Variants in BICC1 observed in about 807,000 individuals in gnomAD.
BICC1 encodes the protein BicC family RNA binding protein 1, also known as protein bicaudal C homolog 1.
BICC1 carries 43 observed loss-of-function variants against 111.0 expected under a neutral mutation model. The observed-to-expected ratio is 0.39, with a 90% CI of 0.30 to 0.50. BICC1 has a LOEUF of 0.50. Ranked by LOEUF, BICC1 falls within the 20% of genes least tolerant of loss-of-function variation. The probability of loss-of-function intolerance (pLI) is 0.88; values close to 1 mark genes in which losing one functional copy is unlikely to be tolerated. For missense variants in BICC1, 1,091 were observed against 1,203.2 expected (o/e 0.91, Z 1.38); for synonymous variants, 467 against 434.4 (o/e 1.07, Z -0.93).
At chr10:58,822,468 A>G (rs1472028276) in intron 20 of BICC1, among the ~76,000 whole-genome samples, 1 of 152,074 alleles carries the variant, frequency 6.6e-6, no homozygotes, top group South Asian at 2.1e-4. Flanking sequence ...TAAAAAAATA[A>G]TATTTTTTCT....
intron 1 of BICC1, among the ~76,000 whole-genome samples, chr10:58,583,398 A>G (rs1439189882): frequency 6.8e-6 from 1 of 147,822 alleles, no homozygotes; most frequent in Non-Finnish European, 1.5e-5. Flanking sequence ...CCCAAAGTCC[A>G]TTATAACATT....
chr10:58,658,008 C>G (rs1588982541), intron 2 of BICC1, among the ~76,000 whole-genome samples: 1 of 29,220 alleles, frequency 3.4e-5, no homozygotes, highest in East Asian at 1.2e-3. Context: ...TTGTGTCAAT[C>G]TGTCCTTCCA....
intron 15 of BICC1, 55 bp downstream of exon 15, chr10:58,803,297 A>G (rs959201747): frequency 8.8e-6 from 13 of 1,483,836 alleles, no homozygotes; most frequent in East Asian, 4.7e-5. Context: ...GGGTTCTGGT[A>G]TGGAGAATTC....
chr10:58,513,777 C>T (rs911453643), intron 1 of BICC1, among the ~76,000 whole-genome samples: 1 of 152,220 alleles, frequency 6.6e-6, no homozygotes, highest in Non-Finnish European at 1.5e-5. Flanking sequence ...GTATCCACTT[C>T]CTCCAGCTGA....
In BICC1 at chr10:58,527,013, A is replaced by G. The variant is rs544911338; in HGVS notation, c.190+13680A>G. ...TTGAGGAATCACCACACTGTCTTCC[A>G]CAATGGTTGAACTAGTTTACAGTAC... On this transcript the variant is annotated intron_variant, in intron 1 of 20. Transcript: ENST00000373886. 7.7e-4 allele frequency among the ~76,000 whole-genome samples: 118 copies of G among 152,336 alleles called. 2 individuals carry two copies. The South Asian group carries it at 0.016, about 21-fold the overall frequency.
At chr10:58,564,195 A>T (rs1843689675) in intron 1 of BICC1, among the ~76,000 whole-genome samples, 1 of 152,170 alleles carries the variant, frequency 6.6e-6, no homozygotes, top group Admixed American at 6.6e-5. Context: ...CTGTTTAAAA[A>T]ATTAAATGGT....
At chr10:58,590,486 T>C (rs757140472) in intron 1 of BICC1, among the ~76,000 whole-genome samples, 3 of 152,202 alleles carry the variant, frequency 2.0e-5, no homozygotes, top group Non-Finnish European at 4.4e-5. Flanking sequence ...AATAAGAGAA[T>C]TTTGGTGCTT....
intron 1 of BICC1, among the ~76,000 whole-genome samples, chr10:58,576,866 TG>T (rs774599650): frequency 4.6e-5 from 7 of 152,122 alleles, no homozygotes; most frequent in Non-Finnish European, 8.8e-5. Context: ...CCAGATGTCT[TG>T]AGTTAAGGGA....
intron 2 of BICC1, among the ~76,000 whole-genome samples, chr10:58,655,164 G>A (rs1403365440): frequency 9.1e-5 from 13 of 142,376 alleles, no homozygotes; most frequent in Non-Finnish European, 1.4e-4. Flanking sequence ...TTGGCGATGC[G>A]GGCTCTTTTT....
chr10:58,684,713 G>T (rs1022772889), intron 2 of BICC1, among the ~76,000 whole-genome samples: 1 of 152,086 alleles, frequency 6.6e-6, no homozygotes, highest in African/African-American at 2.4e-5. Context: ...TGTGGGATCG[G>T]TGGTGATATC....
rs373583791 is a variant in BICC1 at position 58,593,033 on chromosome 10, C to T, written c.191-27822C>T. Among the ~76,000 whole-genome samples, 227 of 152,116 alleles carry T rather than the reference C, an allele frequency of 1.5e-3. 1 individual carries two copies. Among genetic ancestry groups the T allele is most frequent in the African/African-American group, 4.7e-3 (197 of 41,514 alleles). ...GCAGTCTGAGATTGACTGGGACGTT[C>T]GAGCTTGGTGTGGGGAGGGGTGTCC... is the stretch of plus-strand genomic sequence containing the variant. On this transcript the variant is annotated intron_variant, in intron 1 of 20. Coordinates refer to ENST00000373886, the MANE Select transcript of BICC1 (RefSeq NM_001080512.3).
At chr10:58,587,156 G>C (rs934285752) in intron 1 of BICC1, among the ~76,000 whole-genome samples, 11 of 152,164 alleles carry the variant, frequency 7.2e-5, no homozygotes, top group African/African-American at 2.7e-4. Flanking sequence ...AATTTTAGAA[G>C]CTTCTTGGTC....
intron 3 of BICC1, among the ~76,000 whole-genome samples, chr10:58,721,928 G>A (rs1430206637): frequency 6.6e-6 from 1 of 152,188 alleles, no homozygotes; most frequent in Admixed American, 6.5e-5. Context: ...TCTCCTGAAA[G>A]TCATGGTTAA....
chr10:58,583,566 G>A (rs149732966), intron 1 of BICC1, among the ~76,000 whole-genome samples: 1 of 149,582 alleles, frequency 6.7e-6, no homozygotes, highest in East Asian at 2.0e-4. Flanking sequence ...TTTTATGGCT[G>A]AGTAGTATTC....
At chr10:58,575,218 T>C (rs1277747393) in intron 1 of BICC1, among the ~76,000 whole-genome samples, 1 of 152,028 alleles carries the variant, frequency 6.6e-6, no homozygotes, top group Middle Eastern at 3.4e-3. Flanking sequence ...GTGTATGATG[T>C]CCCCCTCTCT....
At chr10:58,562,605 A>T (rs571135709) in intron 1 of BICC1, among the ~76,000 whole-genome samples, 2 of 151,996 alleles carry the variant, frequency 1.3e-5, no homozygotes, top group Admixed American at 1.3e-4. Flanking sequence ...CTTTTCAGGC[A>T]CTTTATAAAT....
At chr10:58,631,368 C>T (rs1837788303) in intron 2 of BICC1, among the ~76,000 whole-genome samples, 1 of 152,200 alleles carries the variant, frequency 6.6e-6, no homozygotes, top group East Asian at 1.9e-4. Flanking sequence ...TTGTCCCAAA[C>T]TGGCTCTTTG....
Position 58,803,172 on chromosome 10 carries a change from G to A in BICC1, c.2111G>A (p.Arg704Lys). ...CCAGGGAGTGAGCGCGCTGCAGAGAGGGCAGCAGCTGCCCAGCAAAACTCC... is the reference window on the plus strand; with the variant it reads ...CCAGGGAGTGAGCGCGCTGCAGAGAAGGCAGCAGCTGCCCAGCAAAACTCC... Reference protein sequence around the residue: ...KAPGSERAAERAAAAQQNSER... With the variant: ...KAPGSERAAEKAAAAQQNSER... The change falls in exon 15 of 21, where the codon AGG (arginine) becomes AAG (lysine). Residue 704 changes from arginine (R) to lysine (K), a missense_variant. By Grantham distance (26) the Arg-to-Lys change is conservative. Coordinates refer to ENST00000373886, the MANE Select transcript of BICC1 (RefSeq NM_001080512.3). The A allele has an allele frequency of 6.2e-7, 1 of 1,611,430 alleles. No homozygotes were observed.
chr10:58,716,347 C>T (rs1840739882), intron 3 of BICC1: 1 of 1,348,336 alleles, frequency 7.4e-7, no homozygotes, highest in Admixed American at 2.8e-5. Context: ...GAAATTTCAA[C>T]TGTGAAAACT....
Sources: allele counts gnomAD v4.1 joint callset (sites outside exome capture counted in the v4.1 genomes callset), GRCh38; gene constraint gnomAD v4.1.1; transcripts MANE v1.5; gene names NCBI Gene and HGNC (gene_info 2026-07-23, HGNC 2026-07-21).